The following F11R variants were observed in gnomAD, a reference collection of about 807,000 sequenced individuals.
F11R encodes junctional adhesion molecule A.
Under a neutral mutation model 39.3 loss-of-function variants are expected in F11R, and 27 were observed. The observed-to-expected ratio is 0.69, with a 90% confidence interval of 0.51 to 0.95. The LOEUF is 0.95. Among genes scored for constraint, F11R ranks in the 40% least tolerant of loss-of-function variants. The probability of loss-of-function intolerance (pLI) is 0.00; values close to 1 mark genes in which losing one functional copy is unlikely to be tolerated. For synonymous variants in F11R, 131 were observed against 144.9 expected (o/e 0.90, Z 0.69); for missense variants, 335 against 372.7 (o/e 0.90, Z 0.83).
Position 160,997,971 on chromosome 1 carries a change from T to TC in F11R, c.*899_*900insG, listed in dbSNP as rs1228729809. The TC allele has an allele frequency of 6.6e-6, 1 of 150,562 alleles. No homozygotes were observed. The highest frequency in any genetic ancestry group is 1.5e-5 in the Non-Finnish European group (1 of 67,666). The allele number at this position is 150,562 out of a possible 1,614,324, so 9.3% of individuals were successfully genotyped here. A position where few individuals can be genotyped will look rare whatever the true frequency, so the allele number is the denominator to read the frequency against. ...CCAGCTCCAGCTTTCTTTTCTTTCT[T>TC]TTTTTTTTTGAGCTGGAGTTTTGCT... On this transcript the variant is annotated 3_prime_UTR_variant, in exon 10 of 10. Transcript: ENST00000368026.
chr1:161,019,526 C>T (rs1326871321), intron 1 of F11R, among the ~76,000 whole-genome samples: 1 of 143,252 alleles, frequency 7.0e-6, no homozygotes, highest in African/African-American at 2.6e-5. Context: ...ACCCGGAAGG[C>T]GGAGGTTGCG....
chr1:161,000,414 C>T lies in F11R; in HGVS notation c.389-66G>A, dbSNP rs1016061604. On this transcript the variant is annotated intron_variant, in intron 4 of 9. Coordinates refer to ENST00000368026, the MANE Select transcript of F11R (RefSeq NM_016946.6). ...GGGCTGCTTGAGTCTAAGTAACCAA[C>T]TACAATGGTACCCCCAACTACTCAG... 4 of 1,529,316 alleles carry T rather than the reference C, an allele frequency of 2.6e-6. No individual in the cohort carries two copies. In the Admixed American group the frequency reaches 6.9e-5, roughly 26 times the overall value. 94.7% of individuals were successfully genotyped at this position (1,529,316 alleles called of 1,614,324 possible).
chr1:161,011,679 G>A (rs1481852672), intron 1 of F11R, among the ~76,000 whole-genome samples: 1 of 151,178 alleles, frequency 6.6e-6, no homozygotes, highest in Non-Finnish European at 1.5e-5. Flanking sequence ...GCAGTGAGCT[G>A]AGATTGTGCC....
At chr1:161,003,669 C>T (rs1026941337) in intron 1 of F11R, among the ~76,000 whole-genome samples, 1 of 150,648 alleles carries the variant, frequency 6.6e-6, no homozygotes, top group Non-Finnish European at 1.5e-5. Context: ...CTCTGCCTCC[C>T]ACATTCAAGA....
chr1:161,001,393 C>T, intron 1 of F11R, 40 bp from the exon 2 acceptor site: 2 of 1,567,522 alleles, frequency 1.3e-6, no homozygotes, highest in Non-Finnish European at 1.8e-6. Flanking sequence ...CAGGAGTGGA[C>T]AGAGAAATGC....
intron 1 of F11R, among the ~76,000 whole-genome samples, chr1:161,002,261 C>CAAA (rs34007325): frequency 4.5e-4 from 31 of 68,570 alleles, no homozygotes; most frequent in South Asian, 5.4e-4. Context: ...GACTCAATCT[C>CAAA]AAAAAAAAAA....
At chr1:161,017,440 C>A (rs1038217492) in intron 1 of F11R, among the ~76,000 whole-genome samples, 1 of 152,184 alleles carries the variant, frequency 6.6e-6, no homozygotes, top group Non-Finnish European at 1.5e-5. Flanking sequence ...GTGGGACATG[C>A]GGGCAGCAAT....
chr1:161,005,934 T>A (rs1648778063), intron 1 of F11R, among the ~76,000 whole-genome samples: 1 of 151,326 alleles, frequency 6.6e-6, no homozygotes, highest in Non-Finnish European at 1.5e-5. Context: ...AGGTCAGGAG[T>A]TTGAAACCAG....
At chr1:161,000,106 T>C (rs1648382705) in intron 5 of F11R, 40 bp downstream of exon 5, 2 of 1,608,606 alleles carry the variant, frequency 1.2e-6, no homozygotes. Context: ...GTTCTATAAC[T>C]GCATCCCCCA....
Position 161,001,009 on chromosome 1 carries a change from A to T in F11R, c.241+11T>A, listed in dbSNP as rs1211986443. 12 of 1,608,478 alleles carry T rather than the reference A, an allele frequency of 7.5e-6. No individual in the cohort carries two copies. The highest frequency in any genetic ancestry group is 1.0e-5 in the Non-Finnish European group (12 of 1,175,064). ...AACCTAGGCAATCAGGAAGGAGGAG[A>T]AGCAACTCACCTGTGATCTTGTTAT... On this transcript the variant is annotated intron_variant, in intron 3 of 9. Coordinates refer to ENST00000368026, the MANE Select transcript of F11R (RefSeq NM_016946.6).
At chr1:161,012,792 T>A (rs1649244053) in intron 1 of F11R, among the ~76,000 whole-genome samples, 2 of 151,826 alleles carry the variant, frequency 1.3e-5, no homozygotes, top group Admixed American at 1.3e-4. Flanking sequence ...GCCCGGCTAA[T>A]TTTTGTATTT....
At chr1:161,000,882 A>C (rs562903723) in intron 3 of F11R, 105 bp from the exon 4 acceptor site, 5 of 1,499,156 alleles carry the variant, frequency 3.3e-6, no homozygotes, top group Non-Finnish European at 4.6e-6. Context: ...CTTCCCCCAG[A>C]AAGGGGGGTA....
rs750665752 is a variant in F11R, at chr1:161,005,260, TA to T, written c.65-3908del. 1.1e-3 allele frequency among the ~76,000 whole-genome samples: 163 copies of T among 151,798 alleles called. 7 individuals carry two copies. The highest frequency in any genetic ancestry group is 5.6e-4 in the Non-Finnish European group (38 of 67,896). On this transcript the variant is annotated intron_variant, in intron 1 of 9. Transcript: ENST00000368026. ...ATTGAAAATTCTTCCTGAGGACACA[TA>T]AGTCTCCTCCCTTCCTCCCTCCTTC... is the stretch of plus-strand genomic sequence containing the variant.
chr1:161,018,360 G>A (rs536966204), intron 1 of F11R, among the ~76,000 whole-genome samples: 4 of 152,258 alleles, frequency 2.6e-5, no homozygotes, highest in South Asian at 2.1e-4. Context: ...ACCTATCCAC[G>A]CCTCTCAGGG....
At chr1:161,018,982 G>GA (rs1190760224) in intron 1 of F11R, among the ~76,000 whole-genome samples, 5 of 152,118 alleles carry the variant, frequency 3.3e-5, no homozygotes, top group Admixed American at 3.3e-4. Flanking sequence ...AATAATATAG[G>GA]AAATTAGAGG....
At chr1:161,015,149 C>T (rs1391880266) in intron 1 of F11R, among the ~76,000 whole-genome samples, 1 of 151,364 alleles carries the variant, frequency 6.6e-6, no homozygotes, top group East Asian at 1.9e-4. Flanking sequence ...GTAATCCCAG[C>T]ATTTTGGGAG....
At chr1:161,011,041 G>T (rs559429586) in intron 1 of F11R, among the ~76,000 whole-genome samples, 1 of 143,168 alleles carries the variant, frequency 7.0e-6, no homozygotes, top group South Asian at 2.4e-4. Context: ...TTCATTGTTC[G>T]TTTTTTTTGG....
Position 161,000,256 on chromosome 1 carries a change from G to C in F11R, c.481C>G (p.Pro161Ala). 6.2e-7 allele frequency: 1 copy of C among 1,614,162 alleles called. No homozygotes were observed. The highest frequency in any genetic ancestry group is 8.5e-7 in the Non-Finnish European group (1 of 1,180,022). The change falls in exon 5 of 10, where the codon CCT (proline) becomes GCT (alanine). Residue 161 changes from proline to alanine, a missense_variant. Pro to Ala is a conservative substitution (Grantham distance 27). Coordinates refer to ENST00000368026, the MANE Select transcript of F11R (RefSeq NM_016946.6). ...TCTTTGAACCAGGTGTATTCAGAAG[G>C]TGGGGAACCATCTTGTTCTGAGCAT... ...LTCSEQDGSP[P>A]SEYTWFKDGI...
chr1:161,020,090 ACACAGGTACTGC>A (rs1290985659), intron 1 of F11R, among the ~76,000 whole-genome samples: 3 of 152,208 alleles, frequency 2.0e-5, no homozygotes, highest in African/African-American at 7.2e-5. Context: ...TCAGATAAAC[ACACAGGTACTGC>A]CACAGGTTGA....
Sources: allele counts gnomAD v4.1 joint callset (sites outside exome capture counted in the v4.1 genomes callset), GRCh38; gene constraint gnomAD v4.1.1; transcripts MANE v1.5; gene names NCBI Gene and HGNC (gene_info 2026-07-23, HGNC 2026-07-21).